The following USH1C variants were observed in gnomAD, a reference collection of about 807,000 sequenced individuals.
USH1C encodes the protein harmonin.
A neutral mutation model predicts 119.3 loss-of-function variants in USH1C; 90 were observed. The observed-to-expected ratio is 0.75, with a 90% CI of 0.64 to 0.90. The LOEUF is 0.90. Among genes scored for constraint, USH1C ranks in the 40% least tolerant of loss-of-function variants. The pLI, the probability that USH1C is intolerant of heterozygous loss-of-function variation, is 0.00. For missense variants in USH1C, 1,165 were observed against 1,167.7 expected (o/e 1.00, Z 0.03); for synonymous variants, 465 against 443.3 (o/e 1.05, Z -0.62).
chr11:17,516,357 G>A, intron 14 of USH1C, 67 bp from the exon 15 acceptor site: 1 of 1,514,476 alleles, frequency 6.6e-7, no homozygotes. Context: ...ATGGGCAGCA[G>A]ATGGGAGCTG....
At chr11:17,496,610 G>C in intron 25 of USH1C, 148 bp downstream of exon 25, 1 of 1,002,052 alleles carries the variant, frequency 1.0e-6, no homozygotes. Context: ...TCTAGTCCAG[G>C]AGTTTTCTAG....
At chr11:17,530,774 G>A (rs953492555) in intron 4 of USH1C, among the ~76,000 whole-genome samples, 8 of 152,136 alleles carry the variant, frequency 5.3e-5, no homozygotes, top group Non-Finnish European at 8.8e-5. Context: ...TATGCTCTTC[G>A]GCATCACACT....
At position 17,509,855 on chromosome 11, in the gene USH1C, G is replaced by A. The variant is rs1020499507; in HGVS notation, c.1531-17C>T. 6.3e-7 allele frequency: 1 copy of A among 1,586,268 alleles called. No individual in the cohort carries two copies. Among genetic ancestry groups the A allele is most frequent in the Middle Eastern group, 1.7e-4 (1 of 5,978 alleles). ...TGTGGTCATCTGGGGGTGTTGCAAG[G>A]AAGTTCTGTAATTGTCACTCTGCTT... On this transcript the variant is annotated splice_polypyrimidine_tract_variant and intron_variant, in intron 17 of 26. Coordinates refer to ENST00000005226, the MANE Select transcript of USH1C (RefSeq NM_153676.4).
intron 22 of USH1C, 151 bp from the exon 23 acceptor site, chr11:17,501,301 G>T: frequency 9.7e-7 from 1 of 1,033,178 alleles, no homozygotes; most frequent in Non-Finnish European, 1.5e-6. Flanking sequence ...CAGCCTTGGT[G>T]CCAAGTGGGG....
intron 1 of USH1C, among the ~76,000 whole-genome samples, chr11:17,540,883 A>G (rs1258469226): frequency 6.6e-6 from 1 of 152,138 alleles, no homozygotes; most frequent in Non-Finnish European, 1.5e-5. Context: ...TTTTAAATGT[A>G]AATCATTCAC....
rs200322793 is a variant in USH1C at position 17,523,212 on chromosome 11, G to C, written c.875C>G (p.Ala292Gly). ...CCCACCAGCTCATTCTGGACTTACA[G>C]CTGCAGCTACAATGGAGATGGTCAG... is the stretch of plus-strand genomic sequence containing the variant. ...RSLTISIVAA[A>G]GRELFMTDRE... Residue 292 changes from alanine to glycine, a missense_variant and splice_region_variant, in exon 11 of 27, where the codon GCT becomes GGT. By Grantham distance (60) the Ala-to-Gly change is moderately conservative. Coordinates refer to ENST00000005226, the MANE Select transcript of USH1C (RefSeq NM_153676.4). 9.7e-5 allele frequency: 156 copies of C among 1,614,020 alleles called. No homozygotes were observed. Among genetic ancestry groups the C allele is most frequent in the Non-Finnish European group, 1.3e-4 (153 of 1,180,004 alleles).
chr11:17,531,960 T>G lies in USH1C; in HGVS notation c.105-418A>C, dbSNP rs1392381573. Among the ~76,000 whole-genome samples, 1 of 152,194 alleles carries G rather than the reference T, an allele frequency of 6.6e-6. No individual in the cohort carries two copies. Among genetic ancestry groups the G allele is most frequent in the Non-Finnish European group, 1.5e-5 (1 of 68,030 alleles). Reference sequence around the variant, plus strand: ...TCACATGCCTCCTCCCTCATGCTGTTCAGACCTTCGACTGCAGCTGCCTGC... The same window carrying G: ...TCACATGCCTCCTCCCTCATGCTGTGCAGACCTTCGACTGCAGCTGCCTGC... On this transcript the variant is annotated intron_variant, in intron 2 of 26. Transcript: ENST00000005226. This position sits in a 1 kb window ranked among gnomAD's most constrained non-coding sequence, Gnocchi z 4.2.
chr11:17,533,370 C>CCT (rs1554963818), intron 1 of USH1C, 48 bp from the exon 2 acceptor site: 5 of 1,366,904 alleles, frequency 3.7e-6, no homozygotes, highest in South Asian at 1.2e-5. Context: ...AGCACCCGCC[C>CCT]CCATAGCAGA....
chr11:17,540,482 T>A (rs79192659), intron 1 of USH1C, among the ~76,000 whole-genome samples: 1,925 of 152,148 alleles, frequency 0.013, 40 homozygotes, highest in African/African-American at 0.042. Context: ...TCTCAGGGGT[T>A]TAAATACCAC....
intron 22 of USH1C, 81 bp from the exon 23 acceptor site, chr11:17,501,231 G>C: frequency 8.1e-7 from 1 of 1,235,046 alleles, no homozygotes. Context: ...TCTCTTGACA[G>C]AGCCACAGTA....
chr11:17,504,157 G>A (rs1269599278), intron 20 of USH1C, among the ~76,000 whole-genome samples: 1 of 152,162 alleles, frequency 6.6e-6, no homozygotes, highest in African/African-American at 2.4e-5. Flanking sequence ...CTGTGCACAG[G>A]AGTGCCCTAG....
intron 4 of USH1C, among the ~76,000 whole-genome samples, chr11:17,530,025 G>C (rs1180203114): frequency 3.9e-5 from 6 of 152,276 alleles, no homozygotes; most frequent in South Asian, 2.1e-4. Context: ...ATAATGAAGG[G>C]GCTGAAATTT....
rs10626485 is a variant in USH1C, at chr11:17,493,912, C to CTGTT, written c.*419_*420insAACA. 0.96 allele frequency: 237,161 copies of CTGTT among 247,488 alleles called. 113,759 individuals carry two copies. The highest frequency in any genetic ancestry group is 0.98 in the Admixed American group (20,571 of 20,928). The allele number at this position is 247,488 out of a possible 1,614,324, so 15.3% of individuals were successfully genotyped here. On this transcript the variant is annotated 3_prime_UTR_variant, in exon 27 of 27. Coordinates refer to ENST00000005226, the MANE Select transcript of USH1C (RefSeq NM_153676.4). ...CACTCCTATAAGCTGGAAAATAAAT[C>CTGTT]TATTTTATTAATGAGCTCAGAGTAA...
In USH1C at chr11:17,516,221, A is replaced by G. The variant is rs967243071; in HGVS notation, c.1260+20T>C. 6.2e-7 allele frequency: 1 copy of G among 1,613,554 alleles called. No individual in the cohort carries two copies. On this transcript the variant is annotated intron_variant, in intron 15 of 26. Transcript: ENST00000005226. Reference sequence around the variant, plus strand: ...AGCAAACTAAGCAGCACACCAGCACAGCACCCAACCCTGTCCTACCTTCCG... The same window carrying G: ...AGCAAACTAAGCAGCACACCAGCACGGCACCCAACCCTGTCCTACCTTCCG...
chr11:17,494,288 C>T lies in USH1C; in HGVS notation c.*44G>A, dbSNP rs1849164067. 6.3e-7 allele frequency: 1 copy of T among 1,596,490 alleles called. No homozygotes were observed. The highest frequency in any genetic ancestry group is 8.5e-7 in the Non-Finnish European group (1 of 1,170,578). ...TAGTGTGGCCTCTCTCAAGGCTGAT[C>T]CGAGGCTTTGTGTTCACGAGGTGGG... is the stretch of plus-strand genomic sequence containing the variant. On this transcript the variant is annotated 3_prime_UTR_variant, in exon 27 of 27. Transcript: ENST00000005226.
At chr11:17,507,580 C>T (rs902619679) in intron 18 of USH1C, among the ~76,000 whole-genome samples, 1 of 152,242 alleles carries the variant, frequency 6.6e-6, no homozygotes, top group Non-Finnish European at 1.5e-5. Flanking sequence ...GTGCCTGCCA[C>T]TCTTGCCATT....
chr11:17,522,963 G>A (rs962550251), intron 11 of USH1C, 37 bp from the exon 12 acceptor site: 3 of 1,600,050 alleles, frequency 1.9e-6, no homozygotes, highest in Non-Finnish European at 2.6e-6. Context: ...TCAGCCCCCG[G>A]GGAACCTGGG....
chr11:17,493,927 G>T lies in USH1C; in HGVS notation c.*405C>A. ...GAAAATAAATCTATTTTATTAATGAGCTCAGAGTAAGGTTTGGAGTGACAA... is the reference window on the plus strand; with the variant it reads ...GAAAATAAATCTATTTTATTAATGATCTCAGAGTAAGGTTTGGAGTGACAA... On this transcript the variant is annotated 3_prime_UTR_variant, in exon 27 of 27. Transcript: ENST00000005226. The T allele has an allele frequency of 7.2e-6, 2 of 278,574 alleles. No individual in the cohort carries two copies. The highest frequency in any genetic ancestry group is 4.7e-5 in the South Asian group (1 of 21,382). 17.3% of individuals were successfully genotyped at this position (278,574 alleles called of 1,614,324 possible).
chr11:17,526,217 A>C, intron 8 of USH1C, 130 bp downstream of exon 8: 2 of 763,374 alleles, frequency 2.6e-6, no homozygotes, highest in Non-Finnish European at 4.5e-6. Context: ...AAAAAGTATC[A>C]TCACCCATGG....
Sources: allele counts gnomAD v4.1 joint callset (sites outside exome capture counted in the v4.1 genomes callset), GRCh38; gene constraint gnomAD v4.1.1; non-coding constraint Gnocchi (gnomAD v3.1); transcripts MANE v1.5; gene names NCBI Gene and HGNC (gene_info 2026-07-23, HGNC 2026-07-21).